ULK2: variants seen among roughly 807,000 people sequenced by gnomAD.
ULK2 encodes the protein serine/threonine-protein kinase ULK2.
ULK2 carries 76 observed loss-of-function variants against 127.5 expected under a neutral mutation model. The ratio of observed to expected loss-of-function variants is 0.60; its 90% CI spans 0.50 to 0.72. The LOEUF is 0.72. ULK2 is among the 30% of genes least tolerant of loss of function. ULK2 has a pLI of 0.00. For synonymous variants in ULK2, 452 were observed against 461.9 expected, an observed-to-expected ratio of 0.98 and a Z score of 0.28; for missense variants, 1,144 against 1,295.9, an observed-to-expected ratio of 0.88 and a Z score of 1.80.
Position 19,840,473 on chromosome 17 carries a change from C to T in ULK2, c.704+1016G>A, listed in dbSNP as rs1255911225. 7 of 462,616 alleles carry T rather than the reference C, an allele frequency of 1.5e-5. No individual in the cohort carries two copies. The East Asian group carries it at 2.1e-4, about 14-fold the overall frequency. 28.7% of individuals were successfully genotyped at this position (462,616 alleles called of 1,614,324 possible). A position where few individuals can be genotyped will look rare whatever the true frequency, so the allele number is the denominator to read the frequency against. On this transcript the variant is annotated intron_variant, in intron 9 of 26. Transcript: ENST00000395544. ...ACATGGATAGAAAAGAAAAACTTAT[C>T]CGGGAAGGAAAATTGGATCAAACAT...
At chr17:19,814,456 T>TTGTTTTTTTG (rs1555557154) in intron 13 of ULK2, among the ~76,000 whole-genome samples, 32 of 18,258 alleles carry the variant, frequency 1.8e-3, no homozygotes, top group Non-Finnish European at 3.0e-3. Flanking sequence ...TTTTTTTTTT[T>TTGTTTTTTTG]TTTTTTTGGA....
intron 7 of ULK2, among the ~76,000 whole-genome samples, 162 bp from the exon 8 acceptor site, chr17:19,843,384 ATAT>A (rs2041809950): frequency 6.6e-6 from 1 of 152,216 alleles, no homozygotes; most frequent in South Asian, 2.1e-4. Context: ...AACTTACAAC[ATAT>A]TATTATATAT....
At chr17:19,856,643 T>A (rs1379563432) in intron 3 of ULK2, among the ~76,000 whole-genome samples, 1 of 151,330 alleles carries the variant, frequency 6.6e-6, no homozygotes, top group Non-Finnish European at 1.5e-5. Flanking sequence ...TTCCTTTTTA[T>A]ATATGTCAAT....
intron 10 of ULK2, among the ~76,000 whole-genome samples, chr17:19,832,329 A>G (rs71372297): frequency 6.7e-6 from 1 of 150,022 alleles, no homozygotes; most frequent in East Asian, 2.0e-4. Context: ...GTGCAGTGGC[A>G]TGACCACAGC....
chr17:19,797,888 G>A (rs536574167), intron 17 of ULK2, among the ~76,000 whole-genome samples: 4 of 152,240 alleles, frequency 2.6e-5, no homozygotes, highest in African/African-American at 9.6e-5. Flanking sequence ...TCAGGAGACA[G>A]AATTTAATGA....
In ULK2 at chr17:19,838,555, C is replaced by T; in HGVS notation, c.733G>A (p.Ala245Thr). Residue 245 changes from alanine to threonine, a missense_variant, in exon 10 of 27, where the codon GCT becomes ACT. By Grantham distance (58) the Ala-to-Thr change is moderately conservative. Transcript: ENST00000395544. ...TGAAGCAAACCCAAAAGGAGATTAG[C>T]CAAATAAGGTGATGTTTCTCTGGGA... ...SIPRETSPYLANLLLGLLQRN... is the reference protein window; with the variant it reads ...SIPRETSPYLTNLLLGLLQRN... 3 of 1,612,924 alleles carry T rather than the reference C, an allele frequency of 1.9e-6. No individual in the cohort carries two copies. Among genetic ancestry groups the T allele is most frequent in the South Asian group, 2.2e-5 (2 of 90,830 alleles).
At chr17:19,810,110 A>G (rs924392311) in intron 14 of ULK2, among the ~76,000 whole-genome samples, 3 of 151,906 alleles carry the variant, frequency 2.0e-5, no homozygotes, top group African/African-American at 7.3e-5. Flanking sequence ...CGGCACCTAT[A>G]GTCCCAGCTA....
Position 19,801,794 on chromosome 17 carries a change from T to C in ULK2, c.1424A>G (p.Tyr475Cys), listed in dbSNP as rs1214309761. The C allele has an allele frequency of 6.2e-7, 1 of 1,613,746 alleles. No individual in the cohort carries two copies. Among genetic ancestry groups the C allele is most frequent in the Non-Finnish European group, 8.5e-7 (1 of 1,179,976 alleles). ...RRLSTGSSRP[Y>C]SPSPLVGTIP... The stretch of plus-strand genomic sequence containing the variant: ...CTACTTACCCAAAGGGGAAGGTGAG[T>C]AAGGCCTAGAAGACCCAGTGGAGAG... Residue 475 changes from tyrosine (Y) to cysteine (C), a missense_variant, in exon 16 of 27, where the codon TAC becomes TGC. By Grantham distance (194) the Tyr-to-Cys change is radical (BLOSUM62 -2). Around this residue, in one of 2 missense-constraint regions of ULK2, gnomAD observed 913 missense variants for 970.5 expected, o/e 0.94. Coordinates refer to ENST00000395544, the MANE Select transcript of ULK2 (RefSeq NM_014683.4).
chr17:19,838,891 C>T (rs776568248), intron 9 of ULK2, among the ~76,000 whole-genome samples: 1 of 151,646 alleles, frequency 6.6e-6, no homozygotes, highest in African/African-American at 2.4e-5. Context: ...ATTAGCTGGG[C>T]GTGGTGGCGG....
chr17:19,833,403 C>T (rs1364063740), intron 10 of ULK2, among the ~76,000 whole-genome samples: 1 of 151,670 alleles, frequency 6.6e-6, no homozygotes, highest in Non-Finnish European at 1.5e-5. Flanking sequence ...GCTCTGTCGC[C>T]CATTTTTAAA....
intron 15 of ULK2, among the ~76,000 whole-genome samples, chr17:19,802,489 A>G (rs1048255134): frequency 1.3e-5 from 2 of 152,258 alleles, no homozygotes; most frequent in African/African-American, 4.8e-5. Flanking sequence ...AGTAAGAAGC[A>G]TGGCATTATT....
intron 9 of ULK2, among the ~76,000 whole-genome samples, chr17:19,839,968 C>T (rs955002782): frequency 3.7e-5 from 5 of 134,632 alleles, no homozygotes; most frequent in Non-Finnish European, 6.2e-5. Context: ...CACACATACA[C>T]ACACACACAC....
intron 8 of ULK2, among the ~76,000 whole-genome samples, chr17:19,842,189 T>TC (rs1174278199): frequency 6.8e-6 from 1 of 146,410 alleles, no homozygotes; most frequent in Non-Finnish European, 1.5e-5. Flanking sequence ...ATTTTCTTTT[T>TC]CTTTTTTTTT....
Position 19,825,258 on chromosome 17 carries a change from A to G in ULK2, c.836-76T>C, listed in dbSNP as rs919924170. On this transcript the variant is annotated intron_variant, in intron 11 of 26. Transcript: ENST00000395544. ...GACCTGTATAACAGAAACACTTGCC[A>G]AAACTACTACACCTTTGTGTTCCCC... is the stretch of plus-strand genomic sequence containing the variant. 13 of 1,253,266 alleles carry G rather than the reference A, an allele frequency of 1.0e-5. No individual in the cohort carries two copies. The Admixed American group carries it at 1.2e-4, about 12-fold the overall frequency. 77.6% of individuals were successfully genotyped at this position (1,253,266 alleles called of 1,614,324 possible). A position where few individuals can be genotyped will look rare whatever the true frequency, so the allele number is the denominator to read the frequency against.
intron 20 of ULK2, among the ~76,000 whole-genome samples, chr17:19,794,570 T>G (rs950098705): frequency 6.6e-6 from 1 of 152,150 alleles, no homozygotes; most frequent in Admixed American, 6.5e-5. Flanking sequence ...GGGTAAGAAT[T>G]ACATCAGACT....
At chr17:19,782,216 A>T in intron 22 of ULK2, 149 bp from the exon 23 acceptor site, 1 of 899,626 alleles carries the variant, frequency 1.1e-6, no homozygotes, top group Non-Finnish European at 1.6e-6. Flanking sequence ...AAATTTCAGA[A>T]AGCTGGTAAG....
At position 19,846,074 on chromosome 17, in the gene ULK2, C is replaced by T. The variant is rs562965695; in HGVS notation, c.469+663G>A. On this transcript the variant is annotated intron_variant, in intron 6 of 26. Transcript: ENST00000395544. ...CTGGGAGGCAGAGGTTGTAGTGAGC[C>T]GAGATCGTGCCACAGCACTCCAGCC... is the stretch of plus-strand genomic sequence containing the variant. 5.3e-5 allele frequency among the ~76,000 whole-genome samples: 8 copies of T among 152,250 alleles called. No homozygotes were observed. In the East Asian group the frequency reaches 5.8e-4, roughly 11 times the overall value.
intron 13 of ULK2, among the ~76,000 whole-genome samples, chr17:19,812,625 C>T (rs2087668291): frequency 6.6e-6 from 1 of 152,178 alleles, no homozygotes; most frequent in Non-Finnish European, 1.5e-5. Context: ...TCGCTGCTGC[C>T]ACCCAGCATC....
At chr17:19,849,087 CG>C (rs1319204766) in intron 5 of ULK2, among the ~76,000 whole-genome samples, 1 of 152,070 alleles carries the variant, frequency 6.6e-6, no homozygotes, top group Non-Finnish European at 1.5e-5. Context: ...GGAATTCTAT[CG>C]GGTTTCTCCT....
Sources: gnomAD v4.1 joint callset for allele counts (sites outside exome capture counted in the v4.1 genomes callset) on GRCh38, gnomAD v4.1.1 for gene constraint, gnomAD v4.1.1 regional missense constraint, MANE v1.5 for transcripts, NCBI Gene and HGNC (gene_info 2026-07-23, HGNC 2026-07-21) for gene names.